HLA-DRB1: variants seen among roughly 807,000 people sequenced by gnomAD.
The protein encoded by HLA-DRB1 is major histocompatibility complex, class II, DR beta 1, also known as major histocompatibility complex, class II, DR beta 1 precursor.
Under a neutral mutation model 27.9 loss-of-function variants are expected in HLA-DRB1, and 10 were observed. The ratio of observed to expected loss-of-function variants is 0.36; its 90% CI spans 0.22 to 0.61. HLA-DRB1 has a LOEUF of 0.61. Ranked by LOEUF, HLA-DRB1 falls within the 20% of genes least tolerant of loss-of-function variation. The pLI is 0.73. For missense variants in HLA-DRB1, 118 were observed against 306.3 expected (o/e 0.39, Z 4.59); for synonymous variants, 57 against 126.7 (o/e 0.45, Z 3.69).
chr6:32,581,685 C>CCT lies in HLA-DRB1; in HGVS notation c.522_523dup (p.Gly175GlufsTer3), dbSNP rs1328066782. On this transcript the variant is annotated frameshift_variant, in exon 3 of 6. Transcript: ENST00000360004. LOFTEE classifies it high-confidence loss of function. Reference sequence around the variant, plus strand: ...GGTCCAGTCTCCATTCTGGATCAGGCCTGTGGACACCATCCCAGCCTTCTC... The same window carrying CCT: ...GGTCCAGTCTCCATTCTGGATCAGGCCTCTGTGGACACCATCCCAGCCTTCTC... The CCT allele has an allele frequency of 4.2e-6, 6 of 1,423,324 alleles. No individual in the cohort carries two copies. The African/African-American group carries it at 1.1e-4, about 26-fold the overall frequency. The allele number at this position is 1,423,324 out of a possible 1,614,324, so 88.2% of individuals were successfully genotyped here. A position where few individuals can be genotyped will look rare whatever the true frequency, so the allele number is the denominator to read the frequency against.
At position 32,580,473 on chromosome 6, in the gene HLA-DRB1, G is replaced by A. The variant is rs41287745; in HGVS notation, c.764-203C>T. ...CACAGGATCCAGTGTAATTCCATTA[G>A]CCTTAGTGGCTCTTCCTTAATTTGC... On this transcript the variant is annotated intron_variant, in intron 4 of 5. Transcript: ENST00000360004. Among the ~76,000 whole-genome samples, 33,030 of 94,726 alleles carry A rather than the reference G, an allele frequency of 0.35. 1,688 individuals are homozygous for A. The highest frequency in any genetic ancestry group is 0.47 in the Middle Eastern group (88 of 188). 62.1% of individuals were successfully genotyped at this position (94,726 alleles called of 152,430 possible). A position where few individuals can be genotyped will look rare whatever the true frequency, so the allele number is the denominator to read the frequency against.
chr6:32,585,962 A>T (rs1776320876), intron 1 of HLA-DRB1, among the ~76,000 whole-genome samples: 1 of 88,112 alleles, frequency 1.1e-5, no homozygotes, highest in Non-Finnish European at 2.2e-5. Context: ...CATGGCATAT[A>T]GTGATGGCGA....
intron 3 of HLA-DRB1, 21 bp downstream of exon 3, chr6:32,581,534 TAG>T: frequency 1.2e-6 from 1 of 849,272 alleles, no homozygotes; most frequent in Non-Finnish European, 1.7e-6. Flanking sequence ...GTGAGAAATT[TAG>T]GAAGTCAGAA....
At position 32,583,547 on chromosome 6, in the gene HLA-DRB1, A is replaced by C. The variant is rs9269907; in HGVS notation, c.370+562T>G. On this transcript the variant is annotated intron_variant, in intron 2 of 5. Transcript: ENST00000360004. ...AGCTTCAGAGGTGCCTCAGAGGTCT[A>C]CTCAGTTCCTCTAGAAATTAATCTA... 3.3e-3 allele frequency among the ~76,000 whole-genome samples: 192 copies of C among 58,532 alleles called. 2 individuals are homozygous for C. The highest frequency in any genetic ancestry group is 4.1e-3 in the South Asian group (7 of 1,688). The allele number at this position is 58,532 out of a possible 152,430, so 38.4% of individuals were successfully genotyped here. A position where few individuals can be genotyped will look rare whatever the true frequency, so the allele number is the denominator to read the frequency against.
chr6:32,584,493 C>G (rs759539540), intron 1 of HLA-DRB1, 115 bp from the exon 2 acceptor site: 23,498 of 621,094 alleles, frequency 0.038, 5 homozygotes, highest in South Asian at 0.045. Context: ...TTAACCGGCC[C>G]CACCCGCAAC....
chr6:32,588,428 T>C (rs192157797), intron 1 of HLA-DRB1, among the ~76,000 whole-genome samples: 3,390 of 108,930 alleles, frequency 0.031, 171 homozygotes, highest in Admixed American at 0.038. Context: ...AGCTATAGAC[T>C]GGGTGACAGA....
intron 1 of HLA-DRB1, among the ~76,000 whole-genome samples, chr6:32,584,942 T>C (rs534644711): frequency 0.017 from 837 of 50,284 alleles, 21 homozygotes; most frequent in Non-Finnish European, 0.023. Context: ...ATGAGAAATA[T>C]CAGAAGTGTG....
exon 2 of HLA-DRB1, chr6:32,584,159 T>C (rs17879620): frequency 2.2e-6 from 3 of 1,347,856 alleles, no homozygotes; most frequent in Admixed American, 2.0e-5. Flanking sequence ...GTGTCTGCAG[T>C]AGGTGTCCAC....
At chr6:32,585,528 C>A (rs1163243212) in intron 1 of HLA-DRB1, among the ~76,000 whole-genome samples, 25 of 61,736 alleles carry the variant, frequency 4.0e-4, no homozygotes, top group African/African-American at 1.4e-3. Context: ...AATACATTCC[C>A]ATTTTAACTT....
intron 3 of HLA-DRB1, among the ~76,000 whole-genome samples, chr6:32,581,133 T>C (rs1420117053): frequency 1.3e-5 from 1 of 78,420 alleles, no homozygotes; most frequent in Non-Finnish European, 2.7e-5. Flanking sequence ...GTAGTTTGTC[T>C]AGAGTGACAA....
intron 5 of HLA-DRB1, 105 bp from the exon 6 acceptor site, chr6:32,579,209 G>C (rs9269698): frequency 0.53 from 137,966 of 261,530 alleles, 55,375 homozygotes; most frequent in Admixed American, 0.61. Context: ...AGAAGAAAAA[G>C]AAGTTCCTGA....
In HLA-DRB1 at chr6:32,578,818, C is replaced by A. The variant is rs1430003460; in HGVS notation, c.*273G>T. On this transcript the variant is annotated 3_prime_UTR_variant, in exon 6 of 6. Coordinates refer to ENST00000360004, the Ensembl canonical transcript of HLA-DRB1. ...TTAATAATGTAATGTGTTTGTCATA[C>A]AGGGTGAATACAGATGCACGGGAGG... 5.4e-5 allele frequency: 15 copies of A among 280,166 alleles called. 3 individuals carry two copies. The South Asian group carries it at 7.3e-4, about 14-fold the overall frequency. The allele number at this position is 280,166 out of a possible 1,614,324, so 17.4% of individuals were successfully genotyped here. A position where few individuals can be genotyped will look rare whatever the true frequency, so the allele number is the denominator to read the frequency against.
rs16822820 is a variant in HLA-DRB1, at chr6:32,584,283, A to C, written c.196T>G (p.Ser66Ala). Residue 66 changes from serine (S) to alanine (A), a missense_variant, in exon 2 of 6, where the codon TCC (serine) becomes GCC (alanine). By Grantham distance (99) the Ser-to-Ala change is moderately conservative (BLOSUM62 1). Around this residue, in one of 5 missense-constraint regions of HLA-DRB1, gnomAD observed 42 missense variants for 104.2 expected, o/e 0.40. Transcript: ENST00000360004. ...CCCACGTCGCTGTCGAAGCGCACGG[A>C]CTCCTCCTGGTTATAGAAGTATCTG... is the stretch of plus-strand genomic sequence containing the variant. 5.6e-5 allele frequency: 79 copies of C among 1,406,220 alleles called. 5 individuals carry two copies. The highest frequency in any genetic ancestry group is 1.1e-4 in the Admixed American group (6 of 55,824). 87.1% of individuals were successfully genotyped at this position (1,406,220 alleles called of 1,614,324 possible). A position where few individuals can be genotyped will look rare whatever the true frequency, so the allele number is the denominator to read the frequency against.
chr6:32,580,943 G>A, intron 3 of HLA-DRB1, 87 bp from the exon 4 acceptor site: 1 of 917,522 alleles, frequency 1.1e-6, no homozygotes, highest in Non-Finnish European at 1.5e-6. Flanking sequence ...TTGAAAATGG[G>A]GCAGAAAGCT....
intron 1 of HLA-DRB1, among the ~76,000 whole-genome samples, chr6:32,585,348 A>T (rs113600317): frequency 0.25 from 21,335 of 86,184 alleles, 5,007 homozygotes; most frequent in Admixed American, 0.3. Flanking sequence ...TATAATCAGA[A>T]AACCTGAATA....
intron 1 of HLA-DRB1, among the ~76,000 whole-genome samples, chr6:32,585,207 G>T (rs2150789985): frequency 1.1e-5 from 1 of 89,512 alleles, no homozygotes; most frequent in African/African-American, 5.0e-5. Flanking sequence ...CTATACATCA[G>T]AACTAGCAGC....
chr6:32,582,365 G>A (rs1474513411), intron 2 of HLA-DRB1, among the ~76,000 whole-genome samples: 6,497 of 121,544 alleles, frequency 0.053, 433 homozygotes, highest in East Asian at 0.1. Context: ...CCATTCCACT[G>A]TGAGGGCACT....
rs28724204 is a variant in HLA-DRB1, at chr6:32,588,662, C to T, written c.100+981G>A. ...CAAGACCCCAGTAAGACAATGAGTTCCCAAGACTTGCCCATTGACTTTCAG... is the reference window on the plus strand; with the variant it reads ...CAAGACCCCAGTAAGACAATGAGTTTCCAAGACTTGCCCATTGACTTTCAG... On this transcript the variant is annotated intron_variant, in intron 1 of 5. Coordinates refer to ENST00000360004, the Ensembl canonical transcript of HLA-DRB1. Among the ~76,000 whole-genome samples the T allele has an allele frequency of 9.4e-4, 51 of 54,414 alleles. 1 individual carries two copies. Among genetic ancestry groups the T allele is most frequent in the African/African-American group, 1.8e-3 (24 of 13,380 alleles). 35.7% of individuals were successfully genotyped at this position (54,414 alleles called of 152,430 possible). A position where few individuals can be genotyped will look rare whatever the true frequency, so the allele number is the denominator to read the frequency against.
chr6:32,585,090 C>A (rs1413145276), intron 1 of HLA-DRB1, among the ~76,000 whole-genome samples: 2 of 120,028 alleles, frequency 1.7e-5, no homozygotes, highest in Admixed American at 8.9e-5. Context: ...GCTAGTCAAA[C>A]CTCAGAAGAA....
Sources: gnomAD v4.1 joint callset for allele counts (sites outside exome capture counted in the v4.1 genomes callset) on GRCh38, gnomAD v4.1.1 for gene constraint, gnomAD v4.1.1 regional missense constraint, MANE v1.5 for transcripts, NCBI Gene and HGNC (gene_info 2026-07-23, HGNC 2026-07-21) for gene names.